Variants in PCDHGB6 observed in about 807,000 individuals in gnomAD.
PCDHGB6 encodes the protein protocadherin gamma-B6.
Under a neutral mutation model 59.1 loss-of-function variants are expected in PCDHGB6, and 51 were observed. The ratio of observed to expected loss-of-function variants is 0.86; its 90% CI spans 0.69 to 1.09. The LOEUF (loss-of-function observed/expected upper bound fraction) is 1.09. Ranked by LOEUF, PCDHGB6 falls within the 50% of genes least tolerant of loss-of-function variation. PCDHGB6 has a pLI of 0.00. For synonymous variants in PCDHGB6, 466 were observed against 495.1 expected, an observed-to-expected ratio of 0.94 and a Z score of 0.78; for missense variants, 1,148 against 1,205.1, an observed-to-expected ratio of 0.95 and a Z score of 0.70.
chr5:141,420,488 A>C, intron 1 of PCDHGB6: 1 of 534,916 alleles, frequency 1.9e-6, no homozygotes, highest in East Asian at 3.8e-5. Context: ...CTACATGGGT[A>C]ATCTCCGGTG....
chr5:141,477,571 C>A lies in PCDHGB6; in HGVS notation c.2419-17236C>A, dbSNP rs1470454976. ...TAAACCTAAGTGTCTGGGACCCCGA[C>A]GCCCCGCAGAATGCTCGGCTTTCTT... is the stretch of plus-strand genomic sequence containing the variant. On this transcript the variant is annotated intron_variant, in intron 1 of 3. Coordinates refer to ENST00000520790, the MANE Select transcript of PCDHGB6 (RefSeq NM_018926.3). The surrounding 1 kb of genome is among the most constrained non-coding windows in gnomAD (Gnocchi z 4.9). The A allele has an allele frequency of 3.1e-6, 5 of 1,614,042 alleles. No homozygotes were observed. In the South Asian group the frequency reaches 4.4e-5, roughly 14 times the overall value.
Position 141,491,995 on chromosome 5 carries a change from G to C in PCDHGB6, c.2419-2812G>C, listed in dbSNP as rs76332593. On this transcript the variant is annotated intron_variant, in intron 1 of 3. Transcript: ENST00000520790. The surrounding 1 kb of genome is among the most constrained non-coding windows in gnomAD (Gnocchi z 6.9). ...CTCCTTCGAGCTTCCGGTGAATTTC[G>C]GGCGATTTCCGCGGGTGTCGGGGGT... is the stretch of plus-strand genomic sequence containing the variant. 0.033 allele frequency: 22,941 copies of C among 696,644 alleles called. 426 individuals carry two copies. The highest frequency in any genetic ancestry group is 0.093 in the Middle Eastern group (249 of 2,666). The allele number at this position is 696,644 out of a possible 1,614,324, so 43.2% of individuals were successfully genotyped here. A position where few individuals can be genotyped will look rare whatever the true frequency, so the allele number is the denominator to read the frequency against.
chr5:141,443,436 T>A (rs1435598893), intron 1 of PCDHGB6, among the ~76,000 whole-genome samples: 1 of 152,132 alleles, frequency 6.6e-6, no homozygotes, highest in Admixed American at 6.6e-5. Context: ...CAGTGAGCTG[T>A]GGTTGCGCTC....
intron 1 of PCDHGB6, chr5:141,427,790 C>A: frequency 1.3e-6 from 2 of 1,482,222 alleles, no homozygotes; most frequent in Non-Finnish European, 1.9e-6. Context: ...TGTCGTCCTA[C>A]GTGTCCGTGA....
intron 1 of PCDHGB6, chr5:141,442,020 A>G (rs1461958612): frequency 4.6e-6 from 1 of 219,170 alleles, no homozygotes; most frequent in South Asian, 5.2e-5. Context: ...GATGGGCCAC[A>G]GGAAAGCGAC....
Position 141,493,435 on chromosome 5 carries a change from G to T in PCDHGB6, c.2419-1372G>T, listed in dbSNP as rs150678406. On this transcript the variant is annotated intron_variant, in intron 1 of 3. Coordinates refer to ENST00000520790, the MANE Select transcript of PCDHGB6 (RefSeq NM_018926.3). The surrounding 1 kb of genome is among the most constrained non-coding windows in gnomAD (Gnocchi z 4.3). ...TGGGATTTTGCTTCTGCTGGGATGG[G>T]GCAAGGGTGGGGTTCCTTCCCTTTT... Among the ~76,000 whole-genome samples the T allele has an allele frequency of 6.6e-5, 10 of 152,294 alleles. No individual in the cohort carries two copies. In the East Asian group the frequency reaches 1.7e-3, roughly 26 times the overall value.
chr5:141,497,840 C>T (rs1326804289), intron 2 of PCDHGB6, among the ~76,000 whole-genome samples: 1 of 152,154 alleles, frequency 6.6e-6, no homozygotes, highest in Non-Finnish European at 1.5e-5. Context: ...CCGGCCACAA[C>T]AAACATTTTT....
At position 141,483,010 on chromosome 5, in the gene PCDHGB6, G is replaced by A. The variant is rs574078222; in HGVS notation, c.2419-11797G>A. Among the ~76,000 whole-genome samples the A allele has an allele frequency of 1.3e-3, 204 of 152,122 alleles. 1 individual carries two copies. Among genetic ancestry groups the A allele is most frequent in the African/African-American group, 4.0e-3 (168 of 41,498 alleles). On this transcript the variant is annotated intron_variant, in intron 1 of 3. Coordinates refer to ENST00000520790, the MANE Select transcript of PCDHGB6 (RefSeq NM_018926.3). Reference sequence around the variant, plus strand: ...CGAGGCAGGAGAATTGCTTGAACCCGGGAGGCAGAGGTTGCAATGAGCTGG... The same window carrying A: ...CGAGGCAGGAGAATTGCTTGAACCCAGGAGGCAGAGGTTGCAATGAGCTGG...
rs141556649 is a variant in PCDHGB6 at position 141,492,225 on chromosome 5, C to T, written c.2419-2582C>T. ...GTGTGCGCGCGGGGCTCATGCGTGT[C>T]CTCCCTGCTGGCCACCCCCACGGCC... On this transcript the variant is annotated intron_variant, in intron 1 of 3. Transcript: ENST00000520790. Among the ~76,000 whole-genome samples the T allele has an allele frequency of 2.4e-3, 361 of 152,274 alleles. No individual in the cohort carries two copies. In the Middle Eastern group the frequency reaches 0.024, roughly 10 times the overall value.
intron 1 of PCDHGB6, chr5:141,427,227 A>G (rs111948686): frequency 8.8e-6 from 4 of 456,798 alleles, no homozygotes; most frequent in African/African-American, 4.0e-5. Flanking sequence ...CAGTTATACC[A>G]TGAGAGTAGA....
intron 1 of PCDHGB6, chr5:141,427,571 G>T (rs1199845374): frequency 9.1e-6 from 6 of 662,944 alleles, no homozygotes; most frequent in Non-Finnish European, 1.7e-5. Context: ...GCAAGCCTCC[G>T]CTCTCATCCA....
chr5:141,449,160 T>G (rs6867451), intron 1 of PCDHGB6, among the ~76,000 whole-genome samples: 8,161 of 152,140 alleles, frequency 0.054, 458 homozygotes, highest in African/African-American at 0.15. Context: ...AAAGAGGAAA[T>G]AGGTGTAATT....
Position 141,476,598 on chromosome 5 carries a change from A to G in PCDHGB6, c.2419-18209A>G, listed in dbSNP as rs1222456783. The G allele has an allele frequency of 6.2e-7, 1 of 1,614,238 alleles. No homozygotes were observed. Among genetic ancestry groups the G allele is most frequent in the South Asian group, 1.1e-5 (1 of 91,088 alleles). On this transcript the variant is annotated intron_variant, in intron 1 of 3. Transcript: ENST00000520790. This position sits in a 1 kb window ranked among gnomAD's most constrained non-coding sequence, Gnocchi z 7.6. ...CGCTTTCCGCTCGAGAGCGCGCACG[A>G]TCCCGATGTGGGAAGCAACTCTTTA... is the stretch of plus-strand genomic sequence containing the variant.
intron 1 of PCDHGB6, chr5:141,410,847 G>GTA: frequency 1.9e-5 from 3 of 158,244 alleles, no homozygotes; most frequent in East Asian, 1.3e-4. Flanking sequence ...TTTTGTCTTT[G>GTA]TCTTTTTTTT....
In PCDHGB6 at chr5:141,459,848, C is replaced by T. The variant is rs573481876; in HGVS notation, c.2419-34959C>T. Among the ~76,000 whole-genome samples the T allele has an allele frequency of 1.1e-4, 16 of 152,244 alleles. No homozygotes were observed. In the South Asian group the frequency reaches 2.5e-3, roughly 24 times the overall value. ...TTTCATGTGTTGTCTATTTGTATATCTTCTTGAAGCATTCGTTCATCTTTA... is the reference window on the plus strand; with the variant it reads ...TTTCATGTGTTGTCTATTTGTATATTTTCTTGAAGCATTCGTTCATCTTTA... On this transcript the variant is annotated intron_variant, in intron 1 of 3. Transcript: ENST00000520790.
At chr5:141,423,761 TG>T in intron 1 of PCDHGB6, 1 of 156,420 alleles carries the variant, frequency 6.4e-6, no homozygotes, top group Non-Finnish European at 9.2e-6. Context: ...GGGGGGGGGG[TG>T]GGGCGGCATA....
At chr5:141,460,981 GTGTATATA>G (rs1342006423) in intron 1 of PCDHGB6, among the ~76,000 whole-genome samples, 30 of 121,890 alleles carry the variant, frequency 2.5e-4, no homozygotes, top group African/African-American at 5.8e-4. Flanking sequence ...GTGTGTGTGT[GTGTATATA>G]TATATATGTG....
intron 1 of PCDHGB6, chr5:141,442,016 C>CCA (rs1561906409): frequency 4.6e-6 from 1 of 219,336 alleles, no homozygotes; most frequent in African/African-American, 2.4e-5. Context: ...GCACGATGGG[C>CCA]CACAGGAAAG....
In PCDHGB6 at chr5:141,489,734, A is replaced by G; in HGVS notation, c.2419-5073A>G. The G allele has an allele frequency of 6.2e-7, 1 of 1,614,164 alleles. No individual in the cohort carries two copies. Among genetic ancestry groups the G allele is most frequent in the Non-Finnish European group, 8.5e-7 (1 of 1,180,028 alleles). On this transcript the variant is annotated intron_variant, in intron 1 of 3. Transcript: ENST00000520790. This position sits in a 1 kb window ranked among gnomAD's most constrained non-coding sequence, Gnocchi z 4.5. ...GCCCAGGATCCGGATGTGGGCACCAATACTGTGAGCTTTTACACTCTAAGC... is the reference window on the plus strand; with the variant it reads ...GCCCAGGATCCGGATGTGGGCACCAGTACTGTGAGCTTTTACACTCTAAGC...
Sources: allele counts gnomAD v4.1 joint callset (sites outside exome capture counted in the v4.1 genomes callset), GRCh38; gene constraint gnomAD v4.1.1; non-coding constraint Gnocchi (gnomAD v3.1); transcripts MANE v1.5; gene names NCBI Gene and HGNC (gene_info 2026-07-23, HGNC 2026-07-21).